Variants in MTMR3 observed in about 807,000 individuals in gnomAD.
MTMR3 encodes phosphatidylinositol-3,5-bisphosphate 3-phosphatase MTMR3.
Under a neutral mutation model 132.4 loss-of-function variants are expected in MTMR3, and 32 were observed. The observed-to-expected ratio is 0.24, with a 90% CI of 0.18 to 0.32. The LOEUF is 0.32. Ranked by LOEUF, MTMR3 falls within the 10% of genes least tolerant of loss-of-function variation. MTMR3 has a pLI of 1.00. For synonymous variants in MTMR3, 556 were observed against 550.3 expected (o/e 1.01, Z -0.14); for missense variants, 1,216 against 1,489.6 (o/e 0.82, Z 3.02).
At chr22:29,917,024 C>G (rs1278982660) in intron 1 of MTMR3, among the ~76,000 whole-genome samples, 1 of 152,140 alleles carries the variant, frequency 6.6e-6, no homozygotes, top group Admixed American at 6.5e-5. Flanking sequence ...ATCCCAATAT[C>G]TTCAGCAAAG....
chr22:29,919,519 T>A (rs943578919), intron 1 of MTMR3, among the ~76,000 whole-genome samples: 2 of 152,206 alleles, frequency 1.3e-5, no homozygotes, highest in African/African-American at 4.8e-5. Context: ...TGTTAATTTA[T>A]ATTCACTTTT....
chr22:29,898,109 G>A (rs1411522725), intron 1 of MTMR3, among the ~76,000 whole-genome samples: 1 of 152,112 alleles, frequency 6.6e-6, no homozygotes, highest in African/African-American at 2.4e-5. Flanking sequence ...TCGAGTAGCT[G>A]GGATTACAAG....
chr22:29,965,052 T>C (rs1439528523), intron 2 of MTMR3, among the ~76,000 whole-genome samples: 1 of 152,146 alleles, frequency 6.6e-6, no homozygotes, highest in Non-Finnish European at 1.5e-5. Context: ...TAGTCTTTTC[T>C]GATCACTTTA....
intron 1 of MTMR3, among the ~76,000 whole-genome samples, chr22:29,883,827 G>GC (rs778007197): frequency 9.2e-5 from 14 of 152,222 alleles, no homozygotes; most frequent in Non-Finnish European, 1.9e-4. Context: ...GGCGAACGGT[G>GC]CGGGCCTGGG....
chr22:29,943,798 G>T (rs575973962), intron 1 of MTMR3, among the ~76,000 whole-genome samples: 1 of 71,892 alleles, frequency 1.4e-5, no homozygotes, highest in Non-Finnish European at 2.5e-5. Context: ...CCCAATGCCA[G>T]CTCCTTCATG....
chr22:29,917,903 A>G (rs2065339200), intron 1 of MTMR3, among the ~76,000 whole-genome samples: 1 of 152,252 alleles, frequency 6.6e-6, no homozygotes, highest in Non-Finnish European at 1.5e-5. Context: ...TGAATATCTT[A>G]TGAGTAAATA....
At chr22:30,013,672 C>T (rs1569049934) in intron 14 of MTMR3, 131 bp downstream of exon 14, 9 of 750,108 alleles carry the variant, frequency 1.2e-5, no homozygotes, top group South Asian at 5.5e-5. Flanking sequence ...CCTGTTTCTG[C>T]TTTTTTTTTT....
chr22:29,992,779 G>T (rs987088407), intron 7 of MTMR3: 4 of 152,172 alleles, frequency 2.6e-5, no homozygotes, highest in Non-Finnish European at 5.9e-5. Flanking sequence ...TTGTTACTTT[G>T]TTCTCTGGCC....
rs774917531 is a variant in MTMR3, at chr22:30,022,664, C to T, written c.3392C>T (p.Ala1131Val). 3 of 1,611,350 alleles carry T rather than the reference C, an allele frequency of 1.9e-6. No homozygotes were observed. Among genetic ancestry groups the T allele is most frequent in the Non-Finnish European group, 2.5e-6 (3 of 1,179,926 alleles). The change falls in exon 19 of 20, where the codon GCC becomes GTC. Residue 1131 changes from alanine (A) to valine (V), a missense_variant. Ala to Val is a moderately conservative substitution (Grantham distance 64). Around this residue, in one of 7 missense-constraint regions of MTMR3, gnomAD observed 852 missense variants for 852.0 expected, o/e 1.00. Transcript: ENST00000401950. ...GCCCACTGCTATGCGTGCGACAGTG[C>T]CTTCTGGCTTGCCAGCAGGAAGCAC... ...LAAHCYACDSAFWLASRKHHC... is the reference protein window; with the variant it reads ...LAAHCYACDSVFWLASRKHHC...
chr22:29,937,490 T>C (rs1387325331), intron 1 of MTMR3, among the ~76,000 whole-genome samples: 2 of 152,020 alleles, frequency 1.3e-5, no homozygotes, highest in Non-Finnish European at 2.9e-5. Flanking sequence ...AATCATAGCT[T>C]ACTGCAGGCT....
At chr22:29,936,587 G>A (rs1194166648) in intron 1 of MTMR3, among the ~76,000 whole-genome samples, 1 of 152,210 alleles carries the variant, frequency 6.6e-6, no homozygotes, top group African/African-American at 2.4e-5. Flanking sequence ...CTCTAAGAGA[G>A]TAGGTAGAAA....
At chr22:30,004,707 G>T (rs1446245519) in intron 9 of MTMR3, 3 of 152,248 alleles carry the variant, frequency 2.0e-5, no homozygotes, top group Non-Finnish European at 4.4e-5. Flanking sequence ...CATGTGTCTT[G>T]TATCGCTGAG....
At chr22:29,954,410 A>G (rs995071874) in intron 1 of MTMR3, among the ~76,000 whole-genome samples, 1 of 152,114 alleles carries the variant, frequency 6.6e-6, no homozygotes, top group African/African-American at 2.4e-5. Flanking sequence ...TTATCTGACA[A>G]ATAGTCCTAA....
chr22:29,965,593 C>G (rs2066399069), intron 2 of MTMR3, among the ~76,000 whole-genome samples: 1 of 152,078 alleles, frequency 6.6e-6, no homozygotes, highest in African/African-American at 2.4e-5. Flanking sequence ...GCTGAGACAC[C>G]AGAATCACTT....
intron 1 of MTMR3, among the ~76,000 whole-genome samples, chr22:29,897,936 C>CT (rs947047065): frequency 2.0e-5 from 3 of 152,018 alleles, no homozygotes; most frequent in Admixed American, 6.6e-5. Flanking sequence ...TTAGTACATA[C>CT]TTTCTATAAT....
intron 1 of MTMR3, among the ~76,000 whole-genome samples, chr22:29,914,818 C>T (rs971279536): frequency 6.6e-5 from 10 of 152,120 alleles, no homozygotes; most frequent in African/African-American, 1.9e-4. Flanking sequence ...CTGAGTTTTC[C>T]TCTGAGCAGT....
chr22:29,902,069 A>G (rs546801358), intron 1 of MTMR3, among the ~76,000 whole-genome samples: 13 of 152,286 alleles, frequency 8.5e-5, no homozygotes, highest in Middle Eastern at 3.4e-3. Context: ...TTAAAAAAAT[A>G]TGGTGCCTAG....
intron 5 of MTMR3, chr22:29,981,507 C>T (rs2066742766): frequency 6.6e-6 from 1 of 152,036 alleles, no homozygotes; most frequent in African/African-American, 2.4e-5. Flanking sequence ...GCATCATAAC[C>T]CTCTAAGGCA....
intron 3 of MTMR3, among the ~76,000 whole-genome samples, chr22:29,971,300 C>A (rs994535389): frequency 6.6e-6 from 1 of 152,040 alleles, no homozygotes; most frequent in Non-Finnish European, 1.5e-5. Context: ...GATGTTGTCT[C>A]TTATTTTTCA....
Sources: allele counts gnomAD v4.1 joint callset (sites outside exome capture counted in the v4.1 genomes callset), GRCh38; gene constraint gnomAD v4.1.1; regional missense constraint gnomAD v4.1.1; transcripts MANE v1.5; gene names NCBI Gene and HGNC (gene_info 2026-07-23, HGNC 2026-07-21).